EXTL3: variants seen among roughly 807,000 people sequenced by gnomAD.
EXTL3 encodes exostosin-like 3.
Under a neutral mutation model 69.3 loss-of-function variants are expected in EXTL3, and 27 were observed. That is an observed-to-expected ratio of 0.39 (90% confidence interval 0.29 to 0.54). The LOEUF (loss-of-function observed/expected upper bound fraction) is 0.54, where lower values mean the gene tolerates loss of function less well. EXTL3 is among the 20% of genes least tolerant of loss of function. The pLI, the probability that EXTL3 is intolerant of heterozygous loss-of-function variation, is 0.69. For synonymous variants in EXTL3, 511 were observed against 499.4 expected (o/e 1.02, Z -0.31); for missense variants, 1,003 against 1,231.8 (o/e 0.81, Z 2.78).
intron 6 of EXTL3, among the ~76,000 whole-genome samples, chr8:28,747,069 A>G (rs1375882144): frequency 2.0e-5 from 3 of 152,220 alleles, no homozygotes; most frequent in Admixed American, 1.3e-4. Context: ...TTTGTGTCAC[A>G]TGGAATAATG....
chr8:28,636,158 C>T (rs943156049), intron 1 of EXTL3, among the ~76,000 whole-genome samples: 1 of 152,008 alleles, frequency 6.6e-6, no homozygotes, highest in Non-Finnish European at 1.5e-5. Context: ...CGGTGAAACC[C>T]TGTCTCTACT....
chr8:28,699,000 A>G (rs928441606), upstream of EXTL3, among the ~76,000 whole-genome samples: 5 of 152,216 alleles, frequency 3.3e-5, no homozygotes, highest in African/African-American at 1.2e-4. Context: ...TCTCAAAACA[A>G]AAACAAAAAC....
At chr8:28,747,470 C>T (rs981285450) in intron 6 of EXTL3, among the ~76,000 whole-genome samples, 1 of 152,150 alleles carries the variant, frequency 6.6e-6, no homozygotes, top group Non-Finnish European at 1.5e-5. Flanking sequence ...ACTGGCTGTA[C>T]ACAATGATTA....
intron 1 of EXTL3, among the ~76,000 whole-genome samples, chr8:28,627,201 TAAA>T: frequency 6.9e-6 from 1 of 145,368 alleles, no homozygotes; most frequent in South Asian, 2.2e-4. Flanking sequence ...AAAAAAAAAT[TAAA>T]AAAAATAAAA....
In EXTL3 at chr8:28,751,427, A is replaced by G; in HGVS notation, c.*561A>G. 1 of 155,998 alleles carries G rather than the reference A, an allele frequency of 6.4e-6. No individual in the cohort carries two copies. Among genetic ancestry groups the G allele is most frequent in the Non-Finnish European group, 1.4e-5 (1 of 70,290 alleles). 9.7% of individuals were successfully genotyped at this position (155,998 alleles called of 1,614,324 possible). ...GGCTTATCCTTAAAGATCATCTCCC[A>G]TCCTCCCCAGCGCCATCTGTGTGCA... is the stretch of plus-strand genomic sequence containing the variant. On this transcript the variant is annotated 3_prime_UTR_variant, in exon 7 of 7. Transcript: ENST00000220562.
intron 4 of EXTL3, among the ~76,000 whole-genome samples, chr8:28,734,568 G>T (rs1801607285): frequency 6.6e-6 from 1 of 152,090 alleles, no homozygotes. Flanking sequence ...AAAAATTAGC[G>T]GGGCGTGTTG....
At chr8:28,614,507 CAA>C (rs1806308622) in intron 2 of EXTL3, among the ~76,000 whole-genome samples, 1 of 152,042 alleles carries the variant, frequency 6.6e-6, no homozygotes, top group African/African-American at 2.4e-5. Context: ...CTCTTGGGCT[CAA>C]GCGATCCACC....
rs748805862 is a variant in EXTL3, at chr8:28,743,148, C to T, written c.2484C>T (p.Tyr828=). 2 of 1,614,204 alleles carry T rather than the reference C, an allele frequency of 1.2e-6. No homozygotes were observed. Among genetic ancestry groups the T allele is most frequent in the Admixed American group, 1.7e-5 (1 of 60,034 alleles). Reference sequence around the variant, plus strand: ...CCATCCGGGACATGGTGGATGAATACATCAACTGTGAGGACATTGCCATGA... The same window carrying T: ...CCATCCGGGACATGGTGGATGAATATATCAACTGTGAGGACATTGCCATGA... The part of the protein sequence containing the change: ...PQAIRDMVDE[Y]INCEDIAMNF... Residue 828 remains tyrosine (Y), a synonymous_variant, in exon 6 of 7, where the codon TAC becomes TAT. Transcript: ENST00000220562.
chr8:28,634,443 C>T (rs1806620464), intron 1 of EXTL3, among the ~76,000 whole-genome samples: 2 of 152,126 alleles, frequency 1.3e-5, no homozygotes, highest in African/African-American at 4.8e-5. Context: ...GTTTTATCCT[C>T]TGCGGGTCCC....
intron 1 of EXTL3, among the ~76,000 whole-genome samples, chr8:28,659,837 T>A (rs929419648): frequency 1.3e-5 from 2 of 152,172 alleles, no homozygotes; most frequent in African/African-American, 4.8e-5. Context: ...TCCTCAGTGT[T>A]TCTTTGTTGT....
chr8:28,735,973 A>T (rs1159437648), intron 4 of EXTL3, among the ~76,000 whole-genome samples: 1 of 152,096 alleles, frequency 6.6e-6, no homozygotes, highest in African/African-American at 2.4e-5. Flanking sequence ...CGGAGAGTAG[A>T]ATAGGGGCTG....
chr8:28,686,048 T>C (rs1039072125), intron 1 of EXTL3: 2 of 152,016 alleles, frequency 1.3e-5, no homozygotes, highest in African/African-American at 4.8e-5. Context: ...GTATTTCTAG[T>C]AGAGATGGGG....
At chr8:28,628,517 G>A (rs898922816) in intron 1 of EXTL3, among the ~76,000 whole-genome samples, 5 of 152,146 alleles carry the variant, frequency 3.3e-5, no homozygotes, top group African/African-American at 7.2e-5. Context: ...GCAGCAGAGC[G>A]AGACCTCATC....
chr8:28,726,284 C>T (rs1801411523), intron 3 of EXTL3, among the ~76,000 whole-genome samples: 1 of 152,142 alleles, frequency 6.6e-6, no homozygotes. Flanking sequence ...CCTTTCTGTT[C>T]TTCTGATTTT....
upstream of EXTL3, chr8:28,697,498 T>C (rs1462760494): frequency 6.6e-6 from 1 of 152,240 alleles, no homozygotes; most frequent in Non-Finnish European, 1.5e-5. Flanking sequence ...AAAGGTTCAA[T>C]GCGTCCTGCT....
Position 28,717,645 on chromosome 8 carries a change from C to T in EXTL3, c.1586C>T (p.Thr529Ile). The T allele has an allele frequency of 6.2e-7, 1 of 1,614,208 alleles. No individual in the cohort carries two copies. Among genetic ancestry groups the T allele is most frequent in the Non-Finnish European group, 8.5e-7 (1 of 1,180,040 alleles). The change falls in exon 3 of 7, where the codon ACC becomes ATC. Residue 529 changes from threonine to isoleucine, a missense_variant. Physicochemically the swap from Thr to Ile is moderately conservative, Grantham distance 89 (BLOSUM62 -1). Transcript: ENST00000220562. The surrounding 1 kb of genome is among the most constrained non-coding windows in gnomAD (Gnocchi z 8.3). ...YFSTADSIFNTVLAMIRTRIQ... is the reference protein window; with the variant it reads ...YFSTADSIFNIVLAMIRTRIQ... ...TCCACTGCTGACAGTATTTTTAATA[C>T]CGTGCTGGCTATGATTAGGACTCGC...
chr8:28,645,059 G>A (rs926637516), intron 1 of EXTL3, among the ~76,000 whole-genome samples: 2 of 151,914 alleles, frequency 1.3e-5, no homozygotes, highest in Non-Finnish European at 2.9e-5. Flanking sequence ...TTCTTAATTT[G>A]GGGGACATTG....
At chr8:28,704,292 T>G (rs564687111) in intron 1 of EXTL3, among the ~76,000 whole-genome samples, 1 of 152,348 alleles carries the variant, frequency 6.6e-6, no homozygotes, top group Non-Finnish European at 1.5e-5. Flanking sequence ...AACTGTAGAA[T>G]CTGTTGGAGA....
At chr8:28,674,198 G>A (rs762275712) in intron 1 of EXTL3, among the ~76,000 whole-genome samples, 1 of 152,030 alleles carries the variant, frequency 6.6e-6, no homozygotes, top group African/African-American at 2.4e-5. Context: ...TCCCACATCA[G>A]CTTCCTGAGT....
Sources: gnomAD v4.1 joint callset for allele counts (sites outside exome capture counted in the v4.1 genomes callset) on GRCh38, gnomAD v4.1.1 for gene constraint, Gnocchi (gnomAD v3.1) non-coding constraint, MANE v1.5 for transcripts, NCBI Gene and HGNC (gene_info 2026-07-23, HGNC 2026-07-21) for gene names.